Variants in FRMD4B observed in about 807,000 individuals in gnomAD.
The protein encoded by FRMD4B is FERM domain containing 4B.
Under a neutral mutation model 141.5 loss-of-function variants are expected in FRMD4B, and 74 were observed. That is an observed-to-expected ratio of 0.52 (90% CI 0.43 to 0.63). The LOEUF is 0.63. Among genes scored for constraint, FRMD4B ranks in the 30% least tolerant of loss-of-function variants. The probability of loss-of-function intolerance (pLI) is 0.00; values close to 1 mark genes in which losing one functional copy is unlikely to be tolerated. For missense variants in FRMD4B, 1,366 were observed against 1,253.4 expected (o/e 1.09, Z -1.36); for synonymous variants, 506 against 467.9 (o/e 1.08, Z -1.05).
intron 4 of FRMD4B, among the ~76,000 whole-genome samples, chr3:69,288,803 A>G (rs1190171995): frequency 6.6e-6 from 1 of 152,246 alleles, no homozygotes; most frequent in Non-Finnish European, 1.5e-5. Context: ...AAGGTAAACC[A>G]GGGCTAGGAA....
chr3:69,415,604 C>T (rs1010296904), intron 2 of FRMD4B, among the ~76,000 whole-genome samples: 1 of 152,344 alleles, frequency 6.6e-6, no homozygotes, highest in East Asian at 1.9e-4. Flanking sequence ...GCTAAAGAGT[C>T]ATGTCCAGGA....
At chr3:69,416,036 A>G (rs72939679) in intron 2 of FRMD4B, among the ~76,000 whole-genome samples, 4 of 152,220 alleles carry the variant, frequency 2.6e-5, no homozygotes, top group African/African-American at 7.2e-5. Flanking sequence ...TTAAATATTA[A>G]AAGTTTTATA....
At chr3:69,388,995 C>T (rs993548254), upstream of FRMD4B, among the ~76,000 whole-genome samples, 2 of 151,710 alleles carry the variant, frequency 1.3e-5, no homozygotes, top group African/African-American at 4.8e-5. Context: ...CCCTCCCACC[C>T]TCTGACCCTC....
chr3:69,384,442 G>A (rs906659194), intron 1 of FRMD4B, among the ~76,000 whole-genome samples: 3 of 152,058 alleles, frequency 2.0e-5, no homozygotes, highest in Admixed American at 6.6e-5. Flanking sequence ...TACATAAGGG[G>A]CACTTATTCT....
intron 1 of FRMD4B, among the ~76,000 whole-genome samples, chr3:69,379,047 T>C (rs1704046934): frequency 6.6e-6 from 1 of 152,192 alleles, no homozygotes; most frequent in Admixed American, 6.5e-5. Context: ...CTGTCTCCCT[T>C]ACATGAAAAT....
intron 21 of FRMD4B, among the ~76,000 whole-genome samples, chr3:69,179,526 C>T (rs2092683467): frequency 6.6e-6 from 1 of 152,126 alleles, no homozygotes; most frequent in South Asian, 2.1e-4. Context: ...ATGGGACAGC[C>T]CTAGTGGAAG....
At chr3:69,386,789 T>G (rs1704266349), upstream of FRMD4B, among the ~76,000 whole-genome samples, 1 of 152,142 alleles carries the variant, frequency 6.6e-6, no homozygotes. Context: ...CACACCAAGA[T>G]GCTGCTAATA....
chr3:69,269,180 C>T (rs1277542379), intron 5 of FRMD4B, among the ~76,000 whole-genome samples: 3 of 151,846 alleles, frequency 2.0e-5, no homozygotes, highest in African/African-American at 2.4e-5. Flanking sequence ...CCACCTGCCT[C>T]GGCCTCTCAG....
intron 5 of FRMD4B, among the ~76,000 whole-genome samples, chr3:69,267,628 TATATATATAGAGAGAGAGAGAGAG>T (rs1559765432): frequency 0.011 from 130 of 11,882 alleles, no homozygotes; most frequent in South Asian, 0.02. Flanking sequence ...TATATATATA[TATATATATAGAGAGAGAGAGAGAG>T]AGAGAGAGAG....
chr3:69,169,002 C>A lies in FRMD4B; in HGVS notation c.*2859G>T, dbSNP rs949624837. On this transcript the variant is annotated 3_prime_UTR_variant, in exon 23 of 23. Transcript: ENST00000398540. ...TATATTAGGCAGAAAACAAAACAAA[C>A]AAAAAAAAATGTTGTAAAACTGTAC... 6.3e-4 allele frequency among the ~76,000 whole-genome samples: 95 copies of A among 151,504 alleles called. No homozygotes were observed. The highest frequency in any genetic ancestry group is 3.2e-3 in the Admixed American group (48 of 15,232).
At chr3:69,180,377 C>G (rs2092692879) in intron 21 of FRMD4B, among the ~76,000 whole-genome samples, 1 of 151,910 alleles carries the variant, frequency 6.6e-6, no homozygotes, top group Non-Finnish European at 1.5e-5. Context: ...GGCTTGCATT[C>G]AAAGCAGTCC....
chr3:69,258,305 C>T (rs918510156), intron 5 of FRMD4B, among the ~76,000 whole-genome samples: 41 of 152,198 alleles, frequency 2.7e-4, no homozygotes, highest in African/African-American at 9.9e-4. Context: ...GAGGTACATA[C>T]AATAAAATGC....
chr3:69,393,427 T>G (rs1041085227), intron 2 of FRMD4B, among the ~76,000 whole-genome samples: 1 of 151,686 alleles, frequency 6.6e-6, no homozygotes, highest in Non-Finnish European at 1.5e-5. Context: ...TCCTGCCAGA[T>G]CAAATTTTAG....
At chr3:69,478,263 C>T (rs1706039233) in intron 1 of FRMD4B, among the ~76,000 whole-genome samples, 1 of 151,982 alleles carries the variant, frequency 6.6e-6, no homozygotes, top group South Asian at 2.1e-4. Context: ...AATGTGTTTT[C>T]TCTTGCTTTT....
intron 5 of FRMD4B, among the ~76,000 whole-genome samples, chr3:69,268,034 T>C (rs2093576272): frequency 6.6e-6 from 1 of 151,946 alleles, no homozygotes; most frequent in Non-Finnish European, 1.5e-5. Context: ...TCATCAGGAC[T>C]ATGAACTTTC....
chr3:69,455,470 T>G (rs578041879), intron 1 of FRMD4B, among the ~76,000 whole-genome samples: 11 of 151,300 alleles, frequency 7.3e-5, no homozygotes, highest in Non-Finnish European at 1.6e-4. Flanking sequence ...ACATGCCACC[T>G]TGAGAGCTGT....
rs756808510 is a variant in FRMD4B at position 69,224,637 on chromosome 3, G to C, written c.635C>G (p.Thr212Ser). 4.4e-6 allele frequency: 7 copies of C among 1,585,500 alleles called. No homozygotes were observed. The South Asian group carries it at 8.0e-5, about 18-fold the overall frequency. The change falls in exon 8 of 23, where the codon ACT becomes AGT. Residue 212 changes from threonine (T) to serine (S), a missense_variant. Coordinates refer to ENST00000398540, the MANE Select transcript of FRMD4B (RefSeq NM_015123.3). Reference sequence around the variant, plus strand: ...GGCAAGGGATGGATGCTCCTGAAGAGTTTTGGTTGGAAAGGCTGGTAATGT... The same window carrying C: ...GGCAAGGGATGGATGCTCCTGAAGACTTTTGGTTGGAAAGGCTGGTAATGT... ...LKTLPAFPTK[T>S]LQEHPSLAYC...
chr3:69,510,960 G>T (rs190255290), intron 1 of FRMD4B, among the ~76,000 whole-genome samples: 2 of 152,258 alleles, frequency 1.3e-5, no homozygotes, highest in East Asian at 3.9e-4. Flanking sequence ...TTTCCTTGCA[G>T]ACCAATAGAG....
intron 1 of FRMD4B, among the ~76,000 whole-genome samples, chr3:69,470,426 A>G (rs1705867474): frequency 6.6e-6 from 1 of 152,022 alleles, no homozygotes; most frequent in African/African-American, 2.4e-5. Context: ...GTTTTTTTTA[A>G]TTTAATGCTT....
Sources: gnomAD v4.1 joint callset for allele counts (sites outside exome capture counted in the v4.1 genomes callset) on GRCh38, gnomAD v4.1.1 for gene constraint, MANE v1.5 for transcripts, NCBI Gene and HGNC (gene_info 2026-07-23, HGNC 2026-07-21) for gene names.